Variants in CNTNAP4 observed in about 807,000 individuals in gnomAD.
The protein encoded by CNTNAP4 is contactin-associated protein-like 4.
CNTNAP4 carries 98 observed loss-of-function variants against 148.4 expected under a neutral mutation model. The ratio of observed to expected loss-of-function variants is 0.66; its 90% CI spans 0.56 to 0.78. The LOEUF is 0.78. Ranked by LOEUF, CNTNAP4 falls within the 30% of genes least tolerant of loss-of-function variation. CNTNAP4 has a pLI of 0.00. For missense variants in CNTNAP4, 1,935 were observed against 1,565.6 expected, an observed-to-expected ratio of 1.24 and a Z score of -3.98; for synonymous variants, 730 against 565.1, an observed-to-expected ratio of 1.29 and a Z score of -4.14.
chr16:76,385,985 G>GA (rs35800498), intron 3 of CNTNAP4, among the ~76,000 whole-genome samples: 239 of 151,622 alleles, frequency 1.6e-3, no homozygotes, highest in Middle Eastern at 0.01. Context: ...AATAGATAAT[G>GA]AAAAAAAACA....
chr16:76,382,707 T>A (rs2016106701), intron 3 of CNTNAP4, among the ~76,000 whole-genome samples: 1 of 152,164 alleles, frequency 6.6e-6, no homozygotes, highest in Non-Finnish European at 1.5e-5. Context: ...ATCAAGAAAT[T>A]ATCAAGGAAA....
chr16:76,558,446 A>G (rs1300759519), intron 23 of CNTNAP4, 44 bp from the exon 24 acceptor site: 2 of 1,182,820 alleles, frequency 1.7e-6, no homozygotes, highest in African/African-American at 1.5e-5. Flanking sequence ...CACAGTTTCT[A>G]TTTGGACAGA....
At chr16:76,464,640 C>G (rs913742515) in intron 9 of CNTNAP4, among the ~76,000 whole-genome samples, 1 of 152,172 alleles carries the variant, frequency 6.6e-6, no homozygotes, top group Non-Finnish European at 1.5e-5. Flanking sequence ...CTGCAAGTTT[C>G]CAGTTATTTT....
intron 1 of CNTNAP4, among the ~76,000 whole-genome samples, chr16:76,312,844 A>G (rs1961285142): frequency 6.6e-6 from 1 of 152,218 alleles, no homozygotes; most frequent in Admixed American, 6.5e-5. Flanking sequence ...AGGGGTAAAG[A>G]TTAGTTACTA....
chr16:76,340,206 G>A (rs982428021), intron 2 of CNTNAP4, among the ~76,000 whole-genome samples: 4 of 152,034 alleles, frequency 2.6e-5, no homozygotes, highest in Non-Finnish European at 4.4e-5. Flanking sequence ...TATTTAAGAG[G>A]CACGTATTAA....
At chr16:76,524,202 ACAAT>A (rs2083611128) in intron 17 of CNTNAP4, among the ~76,000 whole-genome samples, 1 of 152,210 alleles carries the variant, frequency 6.6e-6, no homozygotes, top group Non-Finnish European at 1.5e-5. Context: ...ACTATAATAG[ACAAT>A]CTAATCATGA....
At chr16:76,383,304 C>A (rs2016177320) in intron 3 of CNTNAP4, among the ~76,000 whole-genome samples, 2 of 145,694 alleles carry the variant, frequency 1.4e-5, no homozygotes, top group South Asian at 4.3e-4. Flanking sequence ...ACAGAGACAA[C>A]AAGGTAGGAG....
chr16:76,283,243 C>T (rs1219657000), intron 1 of CNTNAP4, among the ~76,000 whole-genome samples: 1 of 151,922 alleles, frequency 6.6e-6, no homozygotes, highest in Non-Finnish European at 1.5e-5. Flanking sequence ...TATTCTACTT[C>T]AGATTAAACA....
chr16:76,375,608 T>C (rs1342302203), intron 3 of CNTNAP4, among the ~76,000 whole-genome samples: 1 of 152,120 alleles, frequency 6.6e-6, no homozygotes, highest in Non-Finnish European at 1.5e-5. Flanking sequence ...CATTCTCTTC[T>C]CTCCTCCATT....
chr16:76,282,220 T>C (rs1339605671), intron 1 of CNTNAP4, among the ~76,000 whole-genome samples: 1 of 151,926 alleles, frequency 6.6e-6, no homozygotes, highest in Admixed American at 6.6e-5. Context: ...TGTTTCCTTG[T>C]ATGTTTTTTC....
intron 3 of CNTNAP4, among the ~76,000 whole-genome samples, chr16:76,404,890 A>C (rs2078549168): frequency 6.6e-6 from 1 of 152,162 alleles, no homozygotes; most frequent in South Asian, 2.1e-4. Flanking sequence ...TTCATAACAT[A>C]AAAATGGTAA....
At chr16:76,516,190 G>T (rs1235527932) in intron 15 of CNTNAP4, among the ~76,000 whole-genome samples, 2 of 151,660 alleles carry the variant, frequency 1.3e-5, no homozygotes, top group African/African-American at 2.4e-5. Context: ...ATAACATGTG[G>T]TGTTTGGTTT....
At chr16:76,442,200 C>G (rs1021422367) in intron 4 of CNTNAP4, among the ~76,000 whole-genome samples, 2 of 151,996 alleles carry the variant, frequency 1.3e-5, no homozygotes, top group Non-Finnish European at 2.9e-5. Flanking sequence ...TGCTGTGACA[C>G]TGGTCACATG....
At chr16:76,475,077 G>A (rs1359057252) in intron 10 of CNTNAP4, among the ~76,000 whole-genome samples, 3 of 152,052 alleles carry the variant, frequency 2.0e-5, no homozygotes, top group African/African-American at 7.2e-5. Context: ...GGAGAATACA[G>A]GAGGCAGAAC....
At chr16:76,369,572 T>A (rs2014556964) in intron 3 of CNTNAP4, among the ~76,000 whole-genome samples, 1 of 152,220 alleles carries the variant, frequency 6.6e-6, no homozygotes, top group South Asian at 2.1e-4. Flanking sequence ...CCAGGCACAG[T>A]AGCTCATGCC....
intron 15 of CNTNAP4, among the ~76,000 whole-genome samples, chr16:76,515,767 G>A (rs1447696941): frequency 6.6e-6 from 1 of 151,776 alleles, no homozygotes; most frequent in African/African-American, 2.4e-5. Context: ...CCTCAATGAG[G>A]CACCACTTTA....
At chr16:76,475,717 T>G (rs2081551341) in intron 10 of CNTNAP4, among the ~76,000 whole-genome samples, 1 of 152,198 alleles carries the variant, frequency 6.6e-6, no homozygotes, top group South Asian at 2.1e-4. Flanking sequence ...TGGGACATGT[T>G]GAAAATTAAG....
chr16:76,381,625 T>C (rs957097667), intron 3 of CNTNAP4, among the ~76,000 whole-genome samples: 6 of 152,230 alleles, frequency 3.9e-5, no homozygotes, highest in African/African-American at 1.4e-4. Flanking sequence ...CCCTCACATT[T>C]GTTTAATCAC....
At chr16:76,284,100 A>T (rs199751404) in intron 1 of CNTNAP4, among the ~76,000 whole-genome samples, 1 of 152,006 alleles carries the variant, frequency 6.6e-6, no homozygotes, top group East Asian at 1.9e-4. Context: ...TTTGACCTCA[A>T]CTTTAGAATT....
Sources: gnomAD v4.1 joint callset for allele counts (sites outside exome capture counted in the v4.1 genomes callset) on GRCh38, gnomAD v4.1.1 for gene constraint, MANE v1.5 for transcripts, NCBI Gene and HGNC (gene_info 2026-07-23, HGNC 2026-07-21) for gene names.